The following SERGEF variants were observed in gnomAD, a reference collection of about 807,000 sequenced individuals.
The protein encoded by SERGEF is secretion regulating guanine nucleotide exchange factor, also known as secretion-regulating guanine nucleotide exchange factor.
SERGEF carries 51 observed loss-of-function variants against 50.0 expected under a neutral mutation model. That is an observed-to-expected ratio of 1.02 (90% CI 0.81 to 1.29). SERGEF has a LOEUF of 1.29. SERGEF is among the 50% of genes most tolerant of loss of function. The pLI is 0.00. For synonymous variants in SERGEF, 205 were observed against 212.4 expected (o/e 0.97, Z 0.30); for missense variants, 521 against 557.0 (o/e 0.94, Z 0.65).
intron 10 of SERGEF, among the ~76,000 whole-genome samples, chr11:17,836,232 C>T (rs1420558693): frequency 6.6e-6 from 1 of 152,232 alleles, no homozygotes; most frequent in Non-Finnish European, 1.5e-5. Flanking sequence ...CACATTTTAT[C>T]CTCTTCAAAA....
At chr11:17,856,784 TA>T (rs2133878098) in intron 10 of SERGEF, 1 of 152,338 alleles carries the variant, frequency 6.6e-6, no homozygotes, top group South Asian at 2.1e-4. Context: ...TATGGTTCAA[TA>T]AATATTTGAC....
chr11:18,010,679 A>G (rs1434386323), intron 1 of SERGEF, among the ~76,000 whole-genome samples: 1 of 152,148 alleles, frequency 6.6e-6, no homozygotes, highest in Non-Finnish European at 1.5e-5. Context: ...ATATATGACT[A>G]CTTGTTTACT....
chr11:18,009,997 G>T, intron 1 of SERGEF: 1 of 574,504 alleles, frequency 1.7e-6, no homozygotes, highest in Non-Finnish European at 2.6e-6. Context: ...ATTCAGAATT[G>T]AAGACAAGGG....
At chr11:18,003,745 A>G (rs780971118) in intron 4 of SERGEF, among the ~76,000 whole-genome samples, 6 of 152,216 alleles carry the variant, frequency 3.9e-5, no homozygotes, top group Non-Finnish European at 5.9e-5. Context: ...TACTGATGAC[A>G]TGCTGAAATA....
At chr11:17,927,208 G>A (rs1565206964) in intron 9 of SERGEF, among the ~76,000 whole-genome samples, 1 of 152,052 alleles carries the variant, frequency 6.6e-6, no homozygotes, top group Non-Finnish European at 1.5e-5. Context: ...GACTCATTTG[G>A]GGCCATCTGG....
intron 10 of SERGEF, among the ~76,000 whole-genome samples, chr11:17,831,563 G>A (rs531967261): frequency 6.6e-6 from 1 of 152,340 alleles, no homozygotes; most frequent in South Asian, 2.1e-4. Context: ...GAGGACTTAA[G>A]AGCTGGAAGG....
At chr11:17,941,439 C>T (rs1457431221) in intron 9 of SERGEF, among the ~76,000 whole-genome samples, 1 of 152,146 alleles carries the variant, frequency 6.6e-6, no homozygotes, top group Admixed American at 6.5e-5. Flanking sequence ...CAAGGTTCAT[C>T]TATGTTGTAG....
At chr11:17,882,679 G>A (rs777833248) in intron 9 of SERGEF, among the ~76,000 whole-genome samples, 19 of 152,122 alleles carry the variant, frequency 1.2e-4, no homozygotes, top group African/African-American at 2.4e-5. Flanking sequence ...TGAGGAGATG[G>A]CAGTACAAAG....
chr11:17,927,663 T>C (rs571360478), intron 9 of SERGEF, among the ~76,000 whole-genome samples: 10 of 152,250 alleles, frequency 6.6e-5, no homozygotes, highest in African/African-American at 2.4e-4. Context: ...GCCCCGTCTA[T>C]GCCTGACATT....
intron 9 of SERGEF, among the ~76,000 whole-genome samples, chr11:17,957,679 T>G (rs569591332): frequency 1.3e-5 from 2 of 151,924 alleles, no homozygotes; most frequent in Admixed American, 1.3e-4. Flanking sequence ...GCCCTTGTCA[T>G]TGCATCCCCA....
In SERGEF at chr11:17,886,614, A is replaced by G. The variant is rs188346245; in HGVS notation, c.1012-8370T>C. The stretch of plus-strand genomic sequence containing the variant: ...CTGGGCGAGTACTAAAAGCGAGACT[A>G]AAAACAAAACAAAACAAACAAACAA... On this transcript the variant is annotated intron_variant, in intron 9 of 10. Transcript: ENST00000265965. Among the ~76,000 whole-genome samples the G allele has an allele frequency of 8.7e-4, 133 of 152,294 alleles. No individual in the cohort carries two copies. In the East Asian group the frequency reaches 0.019, roughly 22 times the overall value.
intron 9 of SERGEF, among the ~76,000 whole-genome samples, chr11:17,916,496 G>C (rs541842555): frequency 1.3e-5 from 2 of 152,292 alleles, no homozygotes; most frequent in South Asian, 4.2e-4. Flanking sequence ...CACCAGATTA[G>C]AATCAAAGTA....
At chr11:17,989,721 C>T (rs1238726073) in intron 7 of SERGEF, among the ~76,000 whole-genome samples, 3 of 152,214 alleles carry the variant, frequency 2.0e-5, no homozygotes, top group Non-Finnish European at 4.4e-5. Flanking sequence ...TCACCACCTA[C>T]ATGTGGCTAT....
At chr11:17,833,856 C>T (rs748495750) in intron 10 of SERGEF, among the ~76,000 whole-genome samples, 1 of 152,168 alleles carries the variant, frequency 6.6e-6, no homozygotes, top group Non-Finnish European at 1.5e-5. Context: ...ATGCCTGTAA[C>T]CCCATGGTAT....
At chr11:17,858,524 C>T (rs1850866625) in intron 10 of SERGEF, among the ~76,000 whole-genome samples, 1 of 152,174 alleles carries the variant, frequency 6.6e-6, no homozygotes, top group African/African-American at 2.4e-5. Context: ...GCTTCCCCAA[C>T]TCATCAGTCC....
chr11:17,863,698 A>G (rs1850970207), intron 10 of SERGEF: 1 of 152,248 alleles, frequency 6.6e-6, no homozygotes, highest in Admixed American at 6.5e-5. Flanking sequence ...ACTAAATGTG[A>G]GTTCCATGAA....
chr11:17,794,256 CTT>C (rs1849535001), intron 10 of SERGEF, among the ~76,000 whole-genome samples: 1 of 152,216 alleles, frequency 6.6e-6, no homozygotes, highest in Non-Finnish European at 1.5e-5. Context: ...GGCATACACT[CTT>C]TGCTCCTTCT....
intron 10 of SERGEF, among the ~76,000 whole-genome samples, chr11:17,812,338 G>C (rs1849891497): frequency 6.6e-6 from 1 of 152,222 alleles, no homozygotes; most frequent in Non-Finnish European, 1.5e-5. Flanking sequence ...TCTGCCAGGG[G>C]CCCATGGGCC....
intron 8 of SERGEF, among the ~76,000 whole-genome samples, chr11:17,960,827 T>C (rs935113512): frequency 1.3e-5 from 2 of 152,256 alleles, no homozygotes; most frequent in African/African-American, 4.8e-5. Flanking sequence ...CTTTTGGGCT[T>C]CCTCAAAGAG....
Sources: allele counts gnomAD v4.1 joint callset (sites outside exome capture counted in the v4.1 genomes callset), GRCh38; gene constraint gnomAD v4.1.1; transcripts MANE v1.5; gene names NCBI Gene and HGNC (gene_info 2026-07-23, HGNC 2026-07-21).